Variants in DBH observed in about 807,000 individuals in gnomAD.
DBH encodes dopamine beta-hydroxylase (dopamine beta-monooxygenase).
A neutral mutation model predicts 64.0 loss-of-function variants in DBH; 49 were observed. That is an observed-to-expected ratio of 0.77 (90% CI 0.61 to 0.97). The LOEUF is 0.97. Among genes scored for constraint, DBH ranks in the 50% least tolerant of loss-of-function variants. The pLI is 0.00. For missense variants in DBH, 828 were observed against 826.6 expected (o/e 1.00, Z -0.02); for synonymous variants, 343 against 347.1 (o/e 0.99, Z 0.13).
rs549927874 is a variant in DBH, at chr9:133,640,392, G to A, written c.486+400G>A. Among the ~76,000 whole-genome samples, 6 of 151,988 alleles carry A rather than the reference G, an allele frequency of 3.9e-5. No homozygotes were observed. The South Asian group carries it at 1.0e-3, about 26-fold the overall frequency. ...TCCATCCCGGCCCTGTTGCCAGCTCGCTGTGAGGCTCGGGACAACTGCCCC... is the reference window on the plus strand; with the variant it reads ...TCCATCCCGGCCCTGTTGCCAGCTCACTGTGAGGCTCGGGACAACTGCCCC... On this transcript the variant is annotated intron_variant, in intron 2 of 11. Coordinates refer to ENST00000393056, the MANE Select transcript of DBH (RefSeq NM_000787.4).
intron 1 of DBH, among the ~76,000 whole-genome samples, chr9:133,638,135 C>T (rs921629907): frequency 2.7e-4 from 41 of 152,386 alleles, no homozygotes; most frequent in African/African-American, 9.4e-4. Flanking sequence ...TTTCCGTGCA[C>T]TGGCAAGGTT....
intron 5 of DBH, 59 bp from the exon 6 acceptor site, chr9:133,647,786 AG>A (rs1413014505): frequency 1.2e-6 from 2 of 1,603,090 alleles, no homozygotes; most frequent in African/African-American, 2.7e-5. Context: ...ATCTGTCCGC[AG>A]GGGGAAGTGA....
At position 133,652,926 on chromosome 9, in the gene DBH, T is replaced by C; in HGVS notation, c.1375-14T>C. ...AGGTGGCAGGTGCTGATGGTCACAT[T>C]GGCTTTTCCTCAGGGAGATGTGCTC... On this transcript the variant is annotated splice_polypyrimidine_tract_variant and intron_variant, in intron 8 of 11. Coordinates refer to ENST00000393056, the MANE Select transcript of DBH (RefSeq NM_000787.4). The C allele has an allele frequency of 1.2e-6, 2 of 1,612,022 alleles. No individual in the cohort carries two copies. The highest frequency in any genetic ancestry group is 2.2e-5 in the South Asian group (2 of 91,060).
intron 5 of DBH, among the ~76,000 whole-genome samples, chr9:133,645,957 A>C (rs1209993463): frequency 6.6e-6 from 1 of 152,160 alleles, no homozygotes; most frequent in Non-Finnish European, 1.5e-5. Context: ...TAGTATCTGT[A>C]CCACCCTCTT....
In DBH at chr9:133,642,167, C is replaced by T. The variant is rs887214426; in HGVS notation, c.487-40C>T. On this transcript the variant is annotated intron_variant, in intron 2 of 11. Coordinates refer to ENST00000393056, the MANE Select transcript of DBH (RefSeq NM_000787.4). Reference sequence around the variant, plus strand: ...CCTCTCAGGAGCCCAACTCTGGGGGCTCTGAGAGGGCGACCAGCTGAACCC... The same window carrying T: ...CCTCTCAGGAGCCCAACTCTGGGGGTTCTGAGAGGGCGACCAGCTGAACCC... The T allele has an allele frequency of 3.1e-6, 5 of 1,609,070 alleles. No individual in the cohort carries two copies. The South Asian group carries it at 4.4e-5, about 14-fold the overall frequency.
intron 5 of DBH, among the ~76,000 whole-genome samples, chr9:133,645,036 T>C (rs1832166854): frequency 1.3e-5 from 2 of 152,088 alleles, no homozygotes; most frequent in South Asian, 4.1e-4. Context: ...CTCTGAATGG[T>C]GCTTCTTCTT....
intron 5 of DBH, among the ~76,000 whole-genome samples, chr9:133,644,555 GC>G (rs1832159780): frequency 6.6e-6 from 1 of 152,208 alleles, no homozygotes; most frequent in South Asian, 2.1e-4. Flanking sequence ...CCCAGCAGTG[GC>G]CCCACACCTC....
intron 6 of DBH, among the ~76,000 whole-genome samples, chr9:133,651,433 G>A (rs1334954810): frequency 6.6e-6 from 1 of 152,206 alleles, no homozygotes; most frequent in Non-Finnish European, 1.5e-5. Context: ...TTGGGAGCTG[G>A]GGGCTGTTGC....
chr9:133,646,327 CATGT>C (rs1832180810), intron 5 of DBH, among the ~76,000 whole-genome samples: 1 of 32,538 alleles, frequency 3.1e-5, no homozygotes. Flanking sequence ...ACCACCCCGC[CATGT>C]CCGCCATGTC....
In DBH at chr9:133,642,374, T is replaced by C; in HGVS notation, c.654T>C (p.Ala218=). 2 of 1,613,924 alleles carry C rather than the reference T, an allele frequency of 1.2e-6. No homozygotes were observed. Among genetic ancestry groups the C allele is most frequent in the South Asian group, 2.2e-5 (2 of 91,064 alleles). Residue 218 remains alanine (A), a synonymous_variant, in exon 3 of 12, where the codon GCT becomes GCC. Coordinates refer to ENST00000393056, the MANE Select transcript of DBH (RefSeq NM_000787.4). ...ACGCGTGCACCATGGAGGTCCAAGC[T>C]CCCAATATCCAGATCCCCAGCCAGG... ...PSDACTMEVQ[A]PNIQIPSQET...
intron 1 of DBH, among the ~76,000 whole-genome samples, chr9:133,637,945 T>C (rs547423769): frequency 4.1e-4 from 62 of 152,246 alleles, no homozygotes; most frequent in Non-Finnish European, 8.2e-4. Context: ...GCCCTGATTC[T>C]GAGCCGTCAG....
chr9:133,656,993 G>A, intron 10 of DBH, 77 bp from the exon 11 acceptor site: 2 of 1,513,120 alleles, frequency 1.3e-6, no homozygotes, highest in Middle Eastern at 1.7e-4. Context: ...TCGAGTTGCA[G>A]GGAGGTGTTG....
chr9:133,648,084 G>A, intron 6 of DBH, 72 bp downstream of exon 6: 1 of 1,516,268 alleles, frequency 6.6e-7, no homozygotes, highest in Non-Finnish European at 8.9e-7. Flanking sequence ...GGCAGGTCGT[G>A]GCCCACGAAG....
intron 2 of DBH, among the ~76,000 whole-genome samples, chr9:133,641,525 G>C (rs1832116102): frequency 6.6e-6 from 1 of 152,230 alleles, no homozygotes; most frequent in African/African-American, 2.4e-5. Flanking sequence ...GAGCAAATTA[G>C]CCACCCACAC....
chr9:133,658,182 A>C, intron 11 of DBH, 134 bp from the exon 12 acceptor site: 1 of 1,211,930 alleles, frequency 8.3e-7, no homozygotes, highest in East Asian at 2.4e-5. Context: ...AACTTGGGGG[A>C]GCAGAGTGAG....
In DBH at chr9:133,642,483, C is replaced by T. The variant is rs1191513255; in HGVS notation, c.744+19C>T. On this transcript the variant is annotated intron_variant, in intron 3 of 11. Coordinates refer to ENST00000393056, the MANE Select transcript of DBH (RefSeq NM_000787.4). Reference sequence around the variant, plus strand: ...TATCAAGGTACGTGCGGGTCCAGGGCCGAGGTCCTCGCCCAGCCCTGCCTT... The same window carrying T: ...TATCAAGGTACGTGCGGGTCCAGGGTCGAGGTCCTCGCCCAGCCCTGCCTT... 2 of 1,590,204 alleles carry T rather than the reference C, an allele frequency of 1.3e-6. No homozygotes were observed. The highest frequency in any genetic ancestry group is 3.5e-5 in the Admixed American group (2 of 56,586).
At chr9:133,656,739 T>A (rs1261681955) in intron 10 of DBH, 89 bp downstream of exon 10, 10 of 1,520,748 alleles carry the variant, frequency 6.6e-6, no homozygotes, top group Non-Finnish European at 8.1e-6. Flanking sequence ...ATTGGAGGAG[T>A]CCAGGCTAAG....
intron 2 of DBH, among the ~76,000 whole-genome samples, chr9:133,641,533 C>T (rs1439812712): frequency 6.6e-6 from 1 of 152,244 alleles, no homozygotes; most frequent in East Asian, 1.9e-4. Context: ...TAGCCACCCA[C>T]ACGGGTCTGC....
rs755468124 is a variant in DBH at position 133,656,670 on chromosome 9, G to A, written c.1562+20G>A. ...CAACAGGTGAGGGCTCCCTGCACAA[G>A]CTCCCTGCCCCCAGGGAACCCCGAC... On this transcript the variant is annotated intron_variant, in intron 10 of 11. Coordinates refer to ENST00000393056, the MANE Select transcript of DBH (RefSeq NM_000787.4). 1 of 1,610,102 alleles carries A rather than the reference G, an allele frequency of 6.2e-7. No individual in the cohort carries two copies. Among genetic ancestry groups the A allele is most frequent in the Admixed American group, 1.7e-5 (1 of 59,944 alleles).
Sources: gnomAD v4.1 joint callset for allele counts (sites outside exome capture counted in the v4.1 genomes callset) on GRCh38, gnomAD v4.1.1 for gene constraint, MANE v1.5 for transcripts, NCBI Gene and HGNC (gene_info 2026-07-23, HGNC 2026-07-21) for gene names.